The following DLGAP2 variants were observed in gnomAD, a reference collection of about 807,000 sequenced individuals.
The protein encoded by DLGAP2 is disks large-associated protein 2.
Under a neutral mutation model 100.3 loss-of-function variants are expected in DLGAP2, and 26 were observed. The observed-to-expected ratio is 0.26, with a 90% confidence interval of 0.19 to 0.36. The LOEUF (loss-of-function observed/expected upper bound fraction) is 0.36. Ranked by LOEUF, DLGAP2 falls within the 10% of genes least tolerant of loss-of-function variation. The pLI, the probability that DLGAP2 is intolerant of heterozygous loss-of-function variation, is 1.00. For missense variants in DLGAP2, 1,858 were observed against 1,453.2 expected (o/e 1.28, Z -4.53); for synonymous variants, 886 against 630.1 (o/e 1.41, Z -6.08).
intron 3 of DLGAP2, among the ~76,000 whole-genome samples, chr8:1,260,826 G>C (rs558367489): frequency 1.3e-5 from 2 of 152,330 alleles, no homozygotes; most frequent in African/African-American, 4.8e-5. Flanking sequence ...TAGTCGTCCA[G>C]AGCATGGGGA....
chr8:954,066 A>G (rs77025620), intron 2 of DLGAP2, among the ~76,000 whole-genome samples: 1,865 of 152,314 alleles, frequency 0.012, 45 homozygotes, highest in African/African-American at 0.042. Flanking sequence ...AACCCTCATC[A>G]TTATAATGAA....
chr8:1,212,972 T>G (rs1585157546), intron 2 of DLGAP2, among the ~76,000 whole-genome samples: 1 of 152,128 alleles, frequency 6.6e-6, no homozygotes, highest in East Asian at 1.9e-4. Context: ...ATTCTATTTA[T>G]TATATGCCAT....
At chr8:816,123 G>C (rs1796472320) in intron 1 of DLGAP2, among the ~76,000 whole-genome samples, 1 of 152,140 alleles carries the variant, frequency 6.6e-6, no homozygotes, top group South Asian at 2.1e-4. Flanking sequence ...TTAGTCTCTT[G>C]AAGACAGCAG....
intron 3 of DLGAP2, among the ~76,000 whole-genome samples, chr8:1,314,094 T>C (rs995462943): frequency 2.6e-5 from 4 of 152,248 alleles, no homozygotes; most frequent in African/African-American, 9.6e-5. Context: ...GCTGACTTAA[T>C]TAGATATGTG....
At chr8:1,654,939 A>G (rs915009854) in intron 8 of DLGAP2, among the ~76,000 whole-genome samples, 4 of 152,224 alleles carry the variant, frequency 2.6e-5, no homozygotes, top group Admixed American at 6.5e-5. Flanking sequence ...TGTTCTTCAG[A>G]AAATACAAGT....
intron 1 of DLGAP2, among the ~76,000 whole-genome samples, chr8:823,554 C>T (rs988443877): frequency 7.2e-5 from 11 of 152,092 alleles, no homozygotes; most frequent in African/African-American, 2.7e-4. Context: ...CCTTGACTTC[C>T]GTCAGCTCCA....
chr8:997,871 C>G (rs982167760), intron 2 of DLGAP2, among the ~76,000 whole-genome samples: 3 of 151,300 alleles, frequency 2.0e-5, no homozygotes, highest in Admixed American at 6.6e-5. Flanking sequence ...CACACAAACA[C>G]ACATACACAC....
intron 2 of DLGAP2, among the ~76,000 whole-genome samples, chr8:940,308 G>A (rs1022086743): frequency 2.0e-5 from 3 of 152,000 alleles, no homozygotes; most frequent in East Asian, 3.9e-4. Context: ...CAATGCCTGC[G>A]ACATGAGGTG....
chr8:1,107,714 C>T (rs972893534), intron 2 of DLGAP2, among the ~76,000 whole-genome samples: 10 of 152,212 alleles, frequency 6.6e-5, no homozygotes, highest in Non-Finnish European at 1.3e-4. Flanking sequence ...TTGTAAAGCA[C>T]ACATAGTATT....
rs893793390 is a variant in DLGAP2 at position 1,448,452 on chromosome 8, C to T, written c.107-52914C>T. ...TTTGATTGCACTGTGGTCTGAGAGACAGTTTGTTATAATTTCTGTTCTTTT... is the reference window on the plus strand; with the variant it reads ...TTTGATTGCACTGTGGTCTGAGAGATAGTTTGTTATAATTTCTGTTCTTTT... On this transcript the variant is annotated intron_variant, in intron 3 of 14. Coordinates refer to ENST00000637795, the MANE Select transcript of DLGAP2 (RefSeq NM_001346810.2). Among the ~76,000 whole-genome samples, 4 of 152,060 alleles carry T rather than the reference C, an allele frequency of 2.6e-5. 1 individual carries two copies. Among genetic ancestry groups the T allele is most frequent in the South Asian group, 4.2e-4 (2 of 4,812 alleles).
At chr8:786,601 A>T (rs887292669) in intron 1 of DLGAP2, among the ~76,000 whole-genome samples, 3 of 151,894 alleles carry the variant, frequency 2.0e-5, no homozygotes, top group Admixed American at 1.3e-4. Context: ...TCAGAGACCC[A>T]GGAACCAGCG....
intron 2 of DLGAP2, among the ~76,000 whole-genome samples, chr8:1,230,249 G>A (rs12156189): frequency 1.9e-3 from 294 of 152,062 alleles, no homozygotes; most frequent in Middle Eastern, 3.4e-3. Flanking sequence ...AATCAAGAAC[G>A]CTATCCTATT....
At chr8:1,033,957 C>G (rs1305145471) in intron 2 of DLGAP2, among the ~76,000 whole-genome samples, 1 of 125,094 alleles carries the variant, frequency 8.0e-6, no homozygotes, top group Non-Finnish European at 1.7e-5. Flanking sequence ...ACACGCTCAT[C>G]CCGACCCCGC....
At chr8:1,479,552 A>G (rs1479322703) in intron 3 of DLGAP2, among the ~76,000 whole-genome samples, 1 of 152,194 alleles carries the variant, frequency 6.6e-6, no homozygotes, top group Non-Finnish European at 1.5e-5. Flanking sequence ...CCTAATTCAT[A>G]AGCAGAGGGG....
intron 2 of DLGAP2, among the ~76,000 whole-genome samples, chr8:1,099,434 G>A (rs567127946): frequency 2.0e-5 from 3 of 152,276 alleles, no homozygotes; most frequent in East Asian, 1.9e-4. Flanking sequence ...TCTGGGATGC[G>A]CCAGGGCCGT....
chr8:1,238,630 A>G (rs371537241), intron 2 of DLGAP2, among the ~76,000 whole-genome samples: 165 of 87,130 alleles, frequency 1.9e-3, no homozygotes, highest in East Asian at 7.0e-3. Flanking sequence ...ACATGGCGCC[A>G]TGTCTAGTTA....
chr8:772,560 T>TG (rs1401470220), intron 1 of DLGAP2, among the ~76,000 whole-genome samples: 1 of 151,846 alleles, frequency 6.6e-6, no homozygotes, highest in African/African-American at 2.4e-5. Flanking sequence ...TCGCCTCAGG[T>TG]GGTCTGCCTG....
At chr8:983,846 C>T (rs537170884) in intron 2 of DLGAP2, among the ~76,000 whole-genome samples, 1 of 152,090 alleles carries the variant, frequency 6.6e-6, no homozygotes, top group East Asian at 1.9e-4. Context: ...CGCTTTGTTG[C>T]CCAGGCTGGT....
At chr8:1,379,023 GCTT>G (rs1180143648) in intron 3 of DLGAP2, among the ~76,000 whole-genome samples, 2 of 152,348 alleles carry the variant, frequency 1.3e-5, no homozygotes, top group East Asian at 3.9e-4. Context: ...TATGGATAAA[GCTT>G]CTTTTTAAAT....
Sources: allele counts gnomAD v4.1 joint callset (sites outside exome capture counted in the v4.1 genomes callset), GRCh38; gene constraint gnomAD v4.1.1; transcripts MANE v1.5; gene names NCBI Gene and HGNC (gene_info 2026-07-23, HGNC 2026-07-21).